Variants in MAP3K9 observed in about 807,000 individuals in gnomAD.
The protein encoded by MAP3K9 is mixed lineage kinase 1 (tyr and ser/thr specificity).
A neutral mutation model predicts 95.8 loss-of-function variants in MAP3K9; 46 were observed. That is an observed-to-expected ratio of 0.48 (90% CI 0.38 to 0.61). The LOEUF (loss-of-function observed/expected upper bound fraction) is 0.61, where lower values mean the gene tolerates loss of function less well. MAP3K9 is among the 20% of genes least tolerant of loss of function. MAP3K9 has a pLI of 0.00. For synonymous variants in MAP3K9, 533 were observed against 593.8 expected (o/e 0.90, Z 1.49); for missense variants, 1,296 against 1,474.3 (o/e 0.88, Z 1.98).
In MAP3K9 at chr14:70,730,849, G is replaced by C. The variant is rs762483751; in HGVS notation, c.2846C>G (p.Pro949Arg). 22 of 1,603,016 alleles carry C rather than the reference G, an allele frequency of 1.4e-5. No individual in the cohort carries two copies. The South Asian group carries it at 2.1e-4, about 15-fold the overall frequency. ...PSPGAGMLKTPSPSRDPGEFP... is the reference protein window; with the variant it reads ...PSPGAGMLKTRSPSRDPGEFP... ...TTCACCTGGGTCTCGGCTGGGACTG[G>C]GGGTTTTCAACATTCCTGGTCAAAA... Residue 949 changes from proline to arginine, a missense_variant, in exon 12 of 12, where the codon CCC (proline) becomes CGC (arginine). Coordinates refer to ENST00000554752, the MANE Select transcript of MAP3K9 (RefSeq NM_001284230.2).
intron 5 of MAP3K9, 109 bp downstream of exon 5, chr14:70,748,720 A>G: frequency 2.6e-6 from 2 of 783,582 alleles, no homozygotes; most frequent in Non-Finnish European, 4.0e-6. Context: ...TAGAATCAAG[A>G]TGGTCAGTCA....
At chr14:70,731,734 C>T (rs772562396) in intron 11 of MAP3K9, among the ~76,000 whole-genome samples, 2 of 152,198 alleles carry the variant, frequency 1.3e-5, no homozygotes, top group Non-Finnish European at 2.9e-5. Flanking sequence ...AAAGAGGTCA[C>T]ATATCTGAGT....
chr14:70,745,475 C>G (rs141392550), intron 5 of MAP3K9, among the ~76,000 whole-genome samples: 2 of 152,174 alleles, frequency 1.3e-5, no homozygotes, highest in East Asian at 3.8e-4. Flanking sequence ...TGGTGTCTCA[C>G]GCCTGTAATC....
intron 3 of MAP3K9, among the ~76,000 whole-genome samples, chr14:70,754,298 C>T (rs1232753325): frequency 1.3e-5 from 2 of 152,040 alleles, no homozygotes; most frequent in Non-Finnish European, 2.9e-5. Flanking sequence ...ATTCAAAAAG[C>T]AACTTTTAAA....
rs751209048 is a variant in MAP3K9 at position 70,808,826 on chromosome 14, C to G, written c.346G>C (p.Ala116Pro). Reference sequence around the variant, plus strand: ...CCGGGCTGGCAGCGGCTGGAGAAGGCGCTGCGCGGGGTCACGTAGTTGCTG... The same window carrying G: ...CCGGGCTGGCAGCGGCTGGAGAAGGGGCTGCGCGGGGTCACGTAGTTGCTG... The part of the protein sequence containing the change: ...FPSNYVTPRS[A>P]FSSRCQPGGE... The change falls in exon 1 of 12, where the codon GCC becomes CCC. Residue 116 changes from alanine to proline, a missense_variant. Physicochemically the swap from Ala to Pro is conservative, Grantham distance 27. Coordinates refer to ENST00000554752, the MANE Select transcript of MAP3K9 (RefSeq NM_001284230.2). The G allele has an allele frequency of 1.3e-6, 2 of 1,596,248 alleles. No individual in the cohort carries two copies. The highest frequency in any genetic ancestry group is 2.3e-5 in the South Asian group (2 of 88,124).
chr14:70,773,054 TGC>T (rs1476398513), intron 2 of MAP3K9, among the ~76,000 whole-genome samples: 1 of 152,184 alleles, frequency 6.6e-6, no homozygotes, highest in African/African-American at 2.4e-5. Flanking sequence ...ACAGCACCCA[TGC>T]ACATTTGAAA....
intron 6 of MAP3K9, 43 bp downstream of exon 6, chr14:70,742,308 C>A (rs4902843): frequency 0.32 from 508,726 of 1,596,880 alleles, 82,209 homozygotes; most frequent in Admixed American, 0.38. Context: ...CACACGAGTT[C>A]TTTGCCCTGC....
In MAP3K9 at chr14:70,808,754, C is replaced by A. The variant is rs975934327; in HGVS notation, c.406+12G>T. On this transcript the variant is annotated intron_variant, in intron 1 of 11. Coordinates refer to ENST00000554752, the MANE Select transcript of MAP3K9 (RefSeq NM_001284230.2). ...CATTCCCCCTCCCCGCCCGGCCCCG[C>A]CTTCGCCTTACACTGAATGGGCGGG... is the stretch of plus-strand genomic sequence containing the variant. 6.7e-7 allele frequency: 1 copy of A among 1,482,720 alleles called. No individual in the cohort carries two copies. The highest frequency in any genetic ancestry group is 1.4e-5 in the African/African-American group (1 of 69,208). The allele number at this position is 1,482,720 out of a possible 1,614,324, so 91.8% of individuals were successfully genotyped here.
At position 70,725,484 on chromosome 14, in the gene MAP3K9, G is replaced by A. The variant is rs1329314861; in HGVS notation, c.*4896C>T. ...TAAACCCTGTTAATTAGCCTTAATC[G>A]GCAGGATTTCAGCTTCCTCCTCCTG... On this transcript the variant is annotated 3_prime_UTR_variant, in exon 12 of 12. Coordinates refer to ENST00000554752, the MANE Select transcript of MAP3K9 (RefSeq NM_001284230.2). The A allele has an allele frequency of 6.6e-6, 1 of 152,110 alleles. No homozygotes were observed. The highest frequency in any genetic ancestry group is 2.4e-5 in the African/African-American group (1 of 41,412). 9.4% of individuals were successfully genotyped at this position (152,110 alleles called of 1,614,324 possible).
Position 70,794,990 on chromosome 14 carries a change from C to CTTTTTTTTTTTTTTTT in MAP3K9, c.820+5661_820+5676dup, listed in dbSNP as rs572010694. Among the ~76,000 whole-genome samples, 34 of 76,818 alleles carry CTTTTTTTTTTTTTTTT rather than the reference C, an allele frequency of 4.4e-4. 3 individuals are homozygous for CTTTTTTTTTTTTTTTT. Among genetic ancestry groups the CTTTTTTTTTTTTTTTT allele is most frequent in the African/African-American group, 5.8e-4 (11 of 18,864 alleles). 50.4% of individuals were successfully genotyped at this position (76,818 alleles called of 152,430 possible). Reference sequence around the variant, plus strand: ...CCGTGACCAGCCTCTTTTTCTTTTCCTTTTTTTTTTTTTTTTTTTTTGAGA... The same window carrying CTTTTTTTTTTTTTTTT: ...CCGTGACCAGCCTCTTTTTCTTTTCCTTTTTTTTTTTTTTTTTTTTTTTTTTTTTTTTTTTTTGAGA... On this transcript the variant is annotated intron_variant, in intron 2 of 11. Transcript: ENST00000554752.
At chr14:70,736,113 G>C in intron 8 of MAP3K9, 84 bp from the exon 9 acceptor site, 1 of 863,872 alleles carries the variant, frequency 1.2e-6, no homozygotes, top group Non-Finnish European at 2.0e-6. Flanking sequence ...CCCAAGGCTG[G>C]ATTCACACCA....
chr14:70,792,554 C>T (rs1049339084), intron 2 of MAP3K9, among the ~76,000 whole-genome samples: 2 of 152,196 alleles, frequency 1.3e-5, no homozygotes, highest in Admixed American at 1.3e-4. Context: ...ATTTCATTCT[C>T]TTGTAGGAAA....
At chr14:70,796,798 A>G (rs1674172748) in intron 2 of MAP3K9, among the ~76,000 whole-genome samples, 1 of 152,190 alleles carries the variant, frequency 6.6e-6, no homozygotes, top group African/African-American at 2.4e-5. Context: ...TGAGGATGGA[A>G]GCCAAGTACT....
Position 70,742,597 on chromosome 14 carries a change from G to C in MAP3K9, c.1327-6C>G. ...TCCTCCCAGGTGCGAAGTTCCTGCA[G>C]GATGGGCAGAACCATCAGAGAAAAG... On this transcript the variant is annotated splice_region_variant and splice_polypyrimidine_tract_variant and intron_variant, in intron 5 of 11. Coordinates refer to ENST00000554752, the MANE Select transcript of MAP3K9 (RefSeq NM_001284230.2). 3 of 1,613,470 alleles carry C rather than the reference G, an allele frequency of 1.9e-6. No individual in the cohort carries two copies. The highest frequency in any genetic ancestry group is 2.5e-6 in the Non-Finnish European group (3 of 1,179,670).
intron 2 of MAP3K9, among the ~76,000 whole-genome samples, chr14:70,762,096 G>A (rs2054383767): frequency 1.3e-5 from 2 of 152,128 alleles, no homozygotes; most frequent in African/African-American, 4.8e-5. Flanking sequence ...TCCTCTTTAT[G>A]GGTGAATAAT....
chr14:70,781,212 T>C (rs2054671378), intron 2 of MAP3K9, among the ~76,000 whole-genome samples: 1 of 152,256 alleles, frequency 6.6e-6, no homozygotes, highest in Non-Finnish European at 1.5e-5. Flanking sequence ...CCATGTTCAC[T>C]GGAACACTTG....
intron 4 of MAP3K9, chr14:70,749,410 A>G (rs1259207700): frequency 6.0e-6 from 1 of 165,964 alleles, no homozygotes; most frequent in Non-Finnish European, 1.3e-5. Context: ...CCCACCCACA[A>G]TGGGATGATG....
intron 2 of MAP3K9, among the ~76,000 whole-genome samples, chr14:70,788,066 G>C (rs1027984445): frequency 6.6e-6 from 1 of 152,182 alleles, no homozygotes; most frequent in Non-Finnish European, 1.5e-5. Flanking sequence ...CCTCTAAGAA[G>C]TAAACTTAGG....
At position 70,767,554 on chromosome 14, in the gene MAP3K9, C is replaced by CA. The variant is rs368793579; in HGVS notation, c.821-6373dup. Among the ~76,000 whole-genome samples, 613 of 152,204 alleles carry CA rather than the reference C, an allele frequency of 4.0e-3. 3 individuals carry two copies. Among genetic ancestry groups the CA allele is most frequent in the African/African-American group, 0.014 (562 of 41,506 alleles). On this transcript the variant is annotated intron_variant, in intron 2 of 11. Transcript: ENST00000554752. Reference sequence around the variant, plus strand: ...GGAGACTAGAGAAAGAGTAATACCTCAGCCAGGGGTTCACCAGTGACTAAC... The same window carrying CA: ...GGAGACTAGAGAAAGAGTAATACCTCAAGCCAGGGGTTCACCAGTGACTAAC...
Sources: gnomAD v4.1 joint callset for allele counts (sites outside exome capture counted in the v4.1 genomes callset) on GRCh38, gnomAD v4.1.1 for gene constraint, MANE v1.5 for transcripts, NCBI Gene and HGNC (gene_info 2026-07-23, HGNC 2026-07-21) for gene names.